Variants in SLC23A2 observed in about 807,000 individuals in gnomAD.
The protein encoded by SLC23A2 is Na(+)/L-ascorbic acid transporter 2.
In SLC23A2, 36 loss-of-function variants were observed where a neutral mutation model predicts 73.3. The ratio of observed to expected loss-of-function variants is 0.49; its 90% CI spans 0.38 to 0.65. SLC23A2 has a LOEUF of 0.65. SLC23A2 is among the 30% of genes least tolerant of loss of function. SLC23A2 has a pLI of 0.00. For missense variants in SLC23A2, 507 were observed against 841.6 expected, an observed-to-expected ratio of 0.60 and a Z score of 4.92; for synonymous variants, 343 against 327.3, an observed-to-expected ratio of 1.05 and a Z score of -0.52.
chr20:4,864,720 A>T (rs1376125117), intron 13 of SLC23A2, among the ~76,000 whole-genome samples: 1 of 152,092 alleles, frequency 6.6e-6, no homozygotes, highest in Non-Finnish European at 1.5e-5. Flanking sequence ...CTGTTGGGGG[A>T]GCCCAGCAGC....
intron 1 of SLC23A2, among the ~76,000 whole-genome samples, chr20:4,984,810 C>T (rs2087796329): frequency 6.6e-6 from 1 of 152,078 alleles, no homozygotes; most frequent in South Asian, 2.1e-4. Flanking sequence ...GGAGAACCTA[C>T]TTTGTAAAAT....
intron 3 of SLC23A2, 128 bp from the exon 4 acceptor site, chr20:4,913,106 T>A: frequency 1.5e-6 from 1 of 678,484 alleles, no homozygotes; most frequent in Non-Finnish European, 2.6e-6. Flanking sequence ...ATACTCCATG[T>A]ACCGTATGGG....
At chr20:4,943,604 G>T (rs988172365) in intron 2 of SLC23A2, among the ~76,000 whole-genome samples, 4 of 151,156 alleles carry the variant, frequency 2.6e-5, no homozygotes, top group African/African-American at 7.3e-5. Flanking sequence ...GAGTCCAGAA[G>T]GTAAAGGTTG....
intron 2 of SLC23A2, among the ~76,000 whole-genome samples, chr20:4,948,244 C>T (rs547486936): frequency 6.6e-6 from 1 of 152,322 alleles, no homozygotes; most frequent in Admixed American, 6.5e-5. Context: ...CTTCTTTCAC[C>T]TGCAGAGAAA....
chr20:4,997,050 C>T (rs1448761654), intron 1 of SLC23A2, among the ~76,000 whole-genome samples: 1 of 152,174 alleles, frequency 6.6e-6, no homozygotes, highest in Admixed American at 6.6e-5. Flanking sequence ...AGACCAGAAC[C>T]TCGGAGTCCT....
intron 6 of SLC23A2, among the ~76,000 whole-genome samples, chr20:4,893,447 T>A (rs1219262609): frequency 6.6e-6 from 1 of 151,852 alleles, no homozygotes; most frequent in Non-Finnish European, 1.5e-5. Context: ...AGAAGTGGGG[T>A]CTCTCCCTTG....
intron 6 of SLC23A2, among the ~76,000 whole-genome samples, chr20:4,891,540 C>T (rs1417658589): frequency 6.6e-6 from 1 of 152,198 alleles, no homozygotes; most frequent in African/African-American, 2.4e-5. Context: ...GTCAGTGGGG[C>T]CCACCCTGGC....
At chr20:5,004,444 T>G (rs1358782138), upstream of SLC23A2, among the ~76,000 whole-genome samples, 1 of 152,206 alleles carries the variant, frequency 6.6e-6, no homozygotes, top group Non-Finnish European at 1.5e-5. Flanking sequence ...CTCTCTGGCC[T>G]GTTGGACTCA....
In SLC23A2 at chr20:4,957,114, C is replaced by T. The variant is rs113925630; in HGVS notation, c.-155+13679G>A. Among the ~76,000 whole-genome samples, 356 of 151,954 alleles carry T rather than the reference C, an allele frequency of 2.3e-3. 1 individual carries two copies. The highest frequency in any genetic ancestry group is 3.3e-3 in the Non-Finnish European group (222 of 67,942). ...GAGTTACTGCGCCCGGCCTCCTTCC[C>T]TCTTCTTACTGGCTGCAGGAACCAC... is the stretch of plus-strand genomic sequence containing the variant. On this transcript the variant is annotated intron_variant, in intron 2 of 16. Transcript: ENST00000338244.
intron 2 of SLC23A2, among the ~76,000 whole-genome samples, chr20:4,955,690 T>C (rs2087276464): frequency 6.6e-6 from 1 of 151,974 alleles, no homozygotes; most frequent in African/African-American, 2.4e-5. Context: ...CTTGAAGGGT[T>C]GAGGTGGGAG....
chr20:4,860,569 G>C (rs942537445), intron 15 of SLC23A2, among the ~76,000 whole-genome samples: 2 of 152,210 alleles, frequency 1.3e-5, no homozygotes, highest in Non-Finnish European at 2.9e-5. Flanking sequence ...TTCAGTATTT[G>C]CTAATACTGC....
chr20:4,933,647 A>C (rs1932813652), intron 2 of SLC23A2, among the ~76,000 whole-genome samples: 1 of 152,090 alleles, frequency 6.6e-6, no homozygotes, highest in Non-Finnish European at 1.5e-5. Flanking sequence ...GAAAAAAAAA[A>C]TGAGAGGGCA....
At position 4,859,297 on chromosome 20, in the gene SLC23A2, G is replaced by A; in HGVS notation, c.1712C>T (p.Thr571Ile). The change falls in exon 16 of 17, where the codon ACC (threonine) becomes ATC (isoleucine). Residue 571 changes from threonine to isoleucine, a missense_variant. Around this residue, in one of 5 missense-constraint regions of SLC23A2, gnomAD observed 168 missense variants for 302.3 expected, o/e 0.56. Transcript: ENST00000338244. ...TGATATATACCACGTACCTGGGATG[G>A]TGTTATCCAGGATAAAAGCCACACA... The part of the protein sequence containing the change: ...GGCVAFILDN[T>I]IPGTPEERGI... 1 of 1,593,100 alleles carries A rather than the reference G, an allele frequency of 6.3e-7. No individual in the cohort carries two copies. The highest frequency in any genetic ancestry group is 8.6e-7 in the Non-Finnish European group (1 of 1,161,396).
intron 2 of SLC23A2, among the ~76,000 whole-genome samples, chr20:4,967,655 T>C (rs1028118384): frequency 6.6e-6 from 1 of 152,216 alleles, no homozygotes; most frequent in Non-Finnish European, 1.5e-5. Flanking sequence ...ACAAAGTCTA[T>C]AAACCAAAAA....
intron 16 of SLC23A2, among the ~76,000 whole-genome samples, chr20:4,858,187 T>G (rs746898644): frequency 6.6e-6 from 1 of 152,156 alleles, no homozygotes; most frequent in Non-Finnish European, 1.5e-5. Flanking sequence ...ACACAGGTCA[T>G]GTACCTGTTG....
intron 1 of SLC23A2, among the ~76,000 whole-genome samples, chr20:5,008,553 T>C (rs1293867794): frequency 6.6e-6 from 1 of 152,044 alleles, no homozygotes; most frequent in Non-Finnish European, 1.5e-5. Flanking sequence ...TACCTAACCA[T>C]TCTCCCCTAC....
chr20:4,894,287 C>T (rs543530316), intron 6 of SLC23A2, among the ~76,000 whole-genome samples: 99 of 152,132 alleles, frequency 6.5e-4, no homozygotes, highest in African/African-American at 2.2e-3. Context: ...GAGGAAGGGC[C>T]GTGAGGAAGC....
In SLC23A2 at chr20:4,852,841, G is replaced by C. The variant is rs1017138557; in HGVS notation, c.*4131C>G. On this transcript the variant is annotated 3_prime_UTR_variant, in exon 17 of 17. Coordinates refer to ENST00000338244, the MANE Select transcript of SLC23A2 (RefSeq NM_005116.6). The surrounding 1 kb of genome is among the most constrained non-coding windows in gnomAD (Gnocchi z 4.3). ...GCAATGCTAAGGACATGGGAGGGTA[G>C]AGTGATGCTGAAACACAGTCAACAC... The C allele has an allele frequency of 1.3e-5, 2 of 152,708 alleles. No homozygotes were observed. The highest frequency in any genetic ancestry group is 2.9e-5 in the Non-Finnish European group (2 of 68,036). 9.5% of individuals were successfully genotyped at this position (152,708 alleles called of 1,614,324 possible). A position where few individuals can be genotyped will look rare whatever the true frequency, so the allele number is the denominator to read the frequency against.
At chr20:4,994,969 T>C (rs1003950919) in intron 1 of SLC23A2, among the ~76,000 whole-genome samples, 19 of 151,614 alleles carry the variant, frequency 1.3e-4, no homozygotes, top group Admixed American at 7.9e-4. Context: ...AAGAAAGCAA[T>C]TGTGTTTCCT....
Sources: allele counts gnomAD v4.1 joint callset (sites outside exome capture counted in the v4.1 genomes callset), GRCh38; gene constraint gnomAD v4.1.1; regional missense constraint gnomAD v4.1.1; non-coding constraint Gnocchi (gnomAD v3.1); transcripts MANE v1.5; gene names NCBI Gene and HGNC (gene_info 2026-07-23, HGNC 2026-07-21).